LZTS1: variants seen among roughly 807,000 people sequenced by gnomAD.
LZTS1 encodes the protein leucine zipper tumor suppressor 1, also known as leucine zipper putative tumor suppressor 1.
In LZTS1, 31 loss-of-function variants were observed where a neutral mutation model predicts 45.8. The observed-to-expected ratio is 0.68, with a 90% confidence interval of 0.51 to 0.91. LZTS1 has a LOEUF of 0.91. Ranked by LOEUF, LZTS1 falls within the 40% of genes least tolerant of loss-of-function variation. The pLI, the probability that LZTS1 is intolerant of heterozygous loss-of-function variation, is 0.00. For missense variants in LZTS1, 821 were observed against 788.9 expected, an observed-to-expected ratio of 1.04 and a Z score of -0.49; for synonymous variants, 359 against 357.3, an observed-to-expected ratio of 1.00 and a Z score of -0.05.
Position 20,263,490 on chromosome 8 carries a change from A to C in LZTS1, c.-134-8175T>G, listed in dbSNP as rs551552933. Reference sequence around the variant, plus strand: ...TGACCTAGTTTAAAAACATTCATACATCCTGCTCTGGAGGATAGAACATGA... The same window carrying C: ...TGACCTAGTTTAAAAACATTCATACCTCCTGCTCTGGAGGATAGAACATGA... On this transcript the variant is annotated intron_variant, in intron 1 of 3. Coordinates refer to ENST00000381569, the MANE Select transcript of LZTS1 (RefSeq NM_021020.5). Among the ~76,000 whole-genome samples, 9 of 152,244 alleles carry C rather than the reference A, an allele frequency of 5.9e-5. No homozygotes were observed. The South Asian group carries it at 1.7e-3, about 28-fold the overall frequency.
chr8:20,270,704 CA>C (rs1238243318), intron 1 of LZTS1, among the ~76,000 whole-genome samples: 1 of 152,064 alleles, frequency 6.6e-6, no homozygotes, highest in Non-Finnish European at 1.5e-5. Context: ...GGGGGAAACA[CA>C]GTACAAGTCT....
intron 1 of LZTS1, among the ~76,000 whole-genome samples, chr8:20,270,375 A>C (rs1800447552): frequency 6.6e-6 from 1 of 152,238 alleles, no homozygotes; most frequent in Admixed American, 6.5e-5. Flanking sequence ...GGATGAAGCC[A>C]AGTCCCCCAC....
At chr8:20,276,262 A>C (rs1341764844) in intron 1 of LZTS1, among the ~76,000 whole-genome samples, 1 of 65,434 alleles carries the variant, frequency 1.5e-5, no homozygotes. Flanking sequence ...TTTTTTTTTG[A>C]CTGATGGTTG....
chr8:20,250,457 C>T (rs1321918975), intron 3 of LZTS1, 94 bp from the exon 4 acceptor site: 34 of 1,289,680 alleles, frequency 2.6e-5, no homozygotes, highest in East Asian at 4.8e-5. Flanking sequence ...CAAGCCACTC[C>T]GGATGCGGTG....
chr8:20,293,065 T>A (rs921970370), intron 1 of LZTS1, among the ~76,000 whole-genome samples: 4 of 152,190 alleles, frequency 2.6e-5, no homozygotes, highest in Admixed American at 6.5e-5. Flanking sequence ...ATTCCCCGGC[T>A]ACAAGAGGTC....
chr8:20,276,285 T>C (rs1800582124), intron 1 of LZTS1, among the ~76,000 whole-genome samples: 1 of 148,794 alleles, frequency 6.7e-6, no homozygotes, highest in Admixed American at 6.8e-5. Flanking sequence ...AGCTTCAGAA[T>C]AGGGCAGGTC....
At chr8:20,253,725 G>A in intron 2 of LZTS1, 140 bp from the exon 3 acceptor site, 1 of 596,996 alleles carries the variant, frequency 1.7e-6, no homozygotes. Context: ...AATTGTCTCA[G>A]CAGACCTTGC....
At chr8:20,279,589 C>T (rs568318886) in intron 1 of LZTS1, among the ~76,000 whole-genome samples, 1 of 149,582 alleles carries the variant, frequency 6.7e-6, no homozygotes, top group Non-Finnish European at 1.5e-5. Flanking sequence ...GAAGTCCCAG[C>T]TACTGAGAGT....
intron 1 of LZTS1, among the ~76,000 whole-genome samples, chr8:20,278,801 C>T (rs146213667): frequency 6.6e-5 from 10 of 152,222 alleles, no homozygotes; most frequent in Admixed American, 2.6e-4. Context: ...AGCAACTAGG[C>T]ACTGCCTTTC....
At chr8:20,268,865 G>C (rs369817687) in intron 1 of LZTS1, among the ~76,000 whole-genome samples, 212 of 152,194 alleles carry the variant, frequency 1.4e-3, no homozygotes, top group Admixed American at 2.9e-3. Flanking sequence ...TCGCTGGCAG[G>C]CTGAGTCATT....
In LZTS1 at chr8:20,260,802, GTCC is replaced by G. The variant is rs1367625479; in HGVS notation, c.-134-5490_-134-5488del. 2.6e-5 allele frequency among the ~76,000 whole-genome samples: 4 copies of G among 152,226 alleles called. No individual in the cohort carries two copies. In the East Asian group the frequency reaches 7.7e-4, roughly 29 times the overall value. On this transcript the variant is annotated intron_variant, in intron 1 of 3. Transcript: ENST00000381569. ...GGTGACTGAAGAATGGCCACCTCCAGTCCTCCTGAGAGCATTCCTATCCCTTAG... is the reference window on the plus strand; with the variant it reads ...GGTGACTGAAGAATGGCCACCTCCAGTCCTGAGAGCATTCCTATCCCTTAG...
intron 1 of LZTS1, among the ~76,000 whole-genome samples, chr8:20,300,425 C>T (rs527723092): frequency 2.0e-5 from 3 of 152,152 alleles, no homozygotes; most frequent in South Asian, 2.1e-4. Context: ...CTCCCCCTCC[C>T]GGGTTCACGC....
chr8:20,284,982 C>T (rs555739437), intron 1 of LZTS1, among the ~76,000 whole-genome samples: 9 of 152,308 alleles, frequency 5.9e-5, no homozygotes, highest in Admixed American at 2.0e-4. Context: ...GGGGAGAACT[C>T]GGCCGAGCCT....
At position 20,253,521 on chromosome 8, in the gene LZTS1, A is replaced by G. The variant is rs546409784; in HGVS notation, c.410T>C (p.Ile137Thr). 6.4e-7 allele frequency: 1 copy of G among 1,550,928 alleles called. No individual in the cohort carries two copies. The highest frequency in any genetic ancestry group is 1.3e-5 in the African/African-American group (1 of 74,116). The change falls in exon 3 of 4, where the codon ATC (isoleucine) becomes ACC (threonine). Residue 137 changes from isoleucine (I) to threonine (T), a missense_variant. Ile to Thr is a moderately conservative substitution (Grantham distance 89). Transcript: ENST00000381569. The part of the protein sequence containing the change: ...FKPVLPRSGA[I>T]LHSSPESASH... ...GGCACTCTCCGGGGAGGAGTGCAGG[A>G]TGGCTCCTGACCGTGGCAGCACAGG...
chr8:20,263,384 C>T (rs1585285667), intron 1 of LZTS1, among the ~76,000 whole-genome samples: 1 of 151,844 alleles, frequency 6.6e-6, no homozygotes, highest in Non-Finnish European at 1.5e-5. Context: ...AGCTGTCAAC[C>T]CCCTCTTCAG....
At chr8:20,300,415 C>T (rs1026873901) in intron 1 of LZTS1, among the ~76,000 whole-genome samples, 3 of 152,046 alleles carry the variant, frequency 2.0e-5, no homozygotes, top group Non-Finnish European at 2.9e-5. Flanking sequence ...TCACTGCAAG[C>T]TCCCCCTCCC....
chr8:20,288,299 C>A (rs144662365), intron 1 of LZTS1, among the ~76,000 whole-genome samples: 16 of 152,172 alleles, frequency 1.1e-4, no homozygotes, highest in African/African-American at 3.6e-4. Context: ...CAGCATCCCA[C>A]GTCTCAGGAA....
intron 1 of LZTS1, among the ~76,000 whole-genome samples, chr8:20,280,013 T>G (rs1028019921): frequency 6.6e-6 from 1 of 151,964 alleles, no homozygotes; most frequent in African/African-American, 2.4e-5. Context: ...GTGAATTTTC[T>G]TTTCCTGATT....
At chr8:20,288,800 C>G (rs1800844541) in intron 1 of LZTS1, among the ~76,000 whole-genome samples, 1 of 152,158 alleles carries the variant, frequency 6.6e-6, no homozygotes, top group Admixed American at 6.5e-5. Flanking sequence ...TCTTCCAACC[C>G]TCCCCTCTGG....
Sources: gnomAD v4.1 joint callset for allele counts (sites outside exome capture counted in the v4.1 genomes callset) on GRCh38, gnomAD v4.1.1 for gene constraint, MANE v1.5 for transcripts, NCBI Gene and HGNC (gene_info 2026-07-23, HGNC 2026-07-21) for gene names.